The following ZMAT4 variants were observed in gnomAD, a reference collection of about 807,000 sequenced individuals.
The protein encoded by ZMAT4 is zinc finger matrin-type 4.
A neutral mutation model predicts 28.7 loss-of-function variants in ZMAT4; 17 were observed. The observed-to-expected ratio is 0.59, with a 90% confidence interval of 0.41 to 0.89. The LOEUF is 0.89. Ranked by LOEUF, ZMAT4 falls within the 40% of genes least tolerant of loss-of-function variation. ZMAT4 has a pLI of 0.00. For synonymous variants in ZMAT4, 117 were observed against 109.2 expected (o/e 1.07, Z -0.44); for missense variants, 240 against 283.8 (o/e 0.85, Z 1.11).
At chr8:40,833,957 A>T (rs1309020013) in intron 1 of ZMAT4, among the ~76,000 whole-genome samples, 2 of 152,214 alleles carry the variant, frequency 1.3e-5, no homozygotes, top group Admixed American at 1.3e-4. Context: ...TTAAAAAGAG[A>T]GAGAGGCAGA....
At chr8:40,853,257 T>A (rs2150637095) in intron 1 of ZMAT4, among the ~76,000 whole-genome samples, 1 of 152,324 alleles carries the variant, frequency 6.6e-6, no homozygotes, top group South Asian at 2.1e-4. Context: ...TGACATTTAA[T>A]ACAATTAATA....
rs57458575 is a variant in ZMAT4, at chr8:40,833,540, C to CAAAAA, written c.-4-7865_-4-7861dup. Among the ~76,000 whole-genome samples, 155 of 87,056 alleles carry CAAAAA rather than the reference C, an allele frequency of 1.8e-3. 1 individual carries two copies. In the East Asian group the frequency reaches 0.034, roughly 19 times the overall value. 57.1% of individuals were successfully genotyped at this position (87,056 alleles called of 152,430 possible). A position where few individuals can be genotyped will look rare whatever the true frequency, so the allele number is the denominator to read the frequency against. On this transcript the variant is annotated intron_variant, in intron 1 of 6. Coordinates refer to ENST00000297737, the MANE Select transcript of ZMAT4 (RefSeq NM_024645.3). ...CCGAGATCATACCACTACACTCCAGCAAAAAAAAAAAAAAAAAAGACATGA... is the reference window on the plus strand; with the variant it reads ...CCGAGATCATACCACTACACTCCAGCAAAAAAAAAAAAAAAAAAAAAAAGACATGA...
At chr8:40,728,544 C>T (rs1253172167) in intron 3 of ZMAT4, among the ~76,000 whole-genome samples, 1 of 152,166 alleles carries the variant, frequency 6.6e-6, no homozygotes, top group Admixed American at 6.5e-5. Context: ...CTGACCACTA[C>T]TAACTAAACA....
At chr8:40,645,436 G>C (rs1378173738) in intron 5 of ZMAT4, among the ~76,000 whole-genome samples, 1 of 152,130 alleles carries the variant, frequency 6.6e-6, no homozygotes, top group Non-Finnish European at 1.5e-5. Context: ...GGATTAGAGA[G>C]AAGAATATAT....
At chr8:40,568,138 C>T (rs1257248322) in intron 6 of ZMAT4, among the ~76,000 whole-genome samples, 1 of 152,044 alleles carries the variant, frequency 6.6e-6, no homozygotes, top group African/African-American at 2.4e-5. Context: ...AAGGTTAATA[C>T]TCCATGGTCT....
intron 3 of ZMAT4, among the ~76,000 whole-genome samples, chr8:40,753,623 C>A (rs1461082200): frequency 1.3e-5 from 2 of 152,162 alleles, no homozygotes; most frequent in Non-Finnish European, 2.9e-5. Flanking sequence ...CAGCACACTG[C>A]CTGACTCTTG....
At chr8:40,714,777 G>A (rs1810771000) in intron 3 of ZMAT4, among the ~76,000 whole-genome samples, 1 of 152,158 alleles carries the variant, frequency 6.6e-6, no homozygotes, top group Admixed American at 6.5e-5. Flanking sequence ...TAGTCCGGGG[G>A]CAGTGGCTCA....
chr8:40,699,828 C>A (rs2150497146), intron 3 of ZMAT4, among the ~76,000 whole-genome samples: 1 of 152,358 alleles, frequency 6.6e-6, no homozygotes, highest in Admixed American at 6.5e-5. Flanking sequence ...ATCTGTGTAT[C>A]TGTTCATCTG....
chr8:40,704,849 CTG>C (rs1215042980), intron 3 of ZMAT4, among the ~76,000 whole-genome samples: 8 of 152,190 alleles, frequency 5.3e-5, no homozygotes, highest in African/African-American at 1.7e-4. Flanking sequence ...GCATCATACT[CTG>C]TACTGAAATG....
intron 2 of ZMAT4, among the ~76,000 whole-genome samples, chr8:40,823,338 A>G (rs181831809): frequency 2.8e-4 from 42 of 152,252 alleles, no homozygotes; most frequent in Admixed American, 2.2e-3. Context: ...AAATTCCCCC[A>G]TTTCCTTAAC....
intron 3 of ZMAT4, among the ~76,000 whole-genome samples, chr8:40,721,690 A>G (rs1289423499): frequency 6.6e-6 from 1 of 151,762 alleles, no homozygotes; most frequent in African/African-American, 2.4e-5. Context: ...GTGAGATGGT[A>G]TCTCATAGTG....
intron 1 of ZMAT4, among the ~76,000 whole-genome samples, chr8:40,851,252 C>G (rs1437558515): frequency 6.6e-6 from 1 of 152,144 alleles, no homozygotes; most frequent in African/African-American, 2.4e-5. Context: ...CGCTTGAACC[C>G]AGGAGGCGGA....
intron 3 of ZMAT4, among the ~76,000 whole-genome samples, chr8:40,748,757 A>AATGC (rs1248524429): frequency 6.6e-6 from 1 of 152,108 alleles, no homozygotes; most frequent in African/African-American, 2.4e-5. Context: ...TTTTTTAAGA[A>AATGC]ATGCATCTCT....
At chr8:40,645,036 A>C (rs1807238112) in intron 5 of ZMAT4, among the ~76,000 whole-genome samples, 1 of 152,200 alleles carries the variant, frequency 6.6e-6, no homozygotes, top group Non-Finnish European at 1.5e-5. Context: ...AATAAATTTA[A>C]TATAGTATTC....
In ZMAT4 at chr8:40,808,637, A is replaced by G. The variant is rs117535271; in HGVS notation, c.102+16938T>C. The G allele has an allele frequency of 8.0e-3, 3,622 of 451,996 alleles. 23 individuals carry two copies. Among genetic ancestry groups the G allele is most frequent in the Non-Finnish European group, 0.011 (2,496 of 224,982 alleles). The allele number at this position is 451,996 out of a possible 1,614,324, so 28.0% of individuals were successfully genotyped here. Reference sequence around the variant, plus strand: ...GGAGGTAGGTGTGAGCTCCCGTTACATGGTCACATTAGACATCTTCACTCA... The same window carrying G: ...GGAGGTAGGTGTGAGCTCCCGTTACGTGGTCACATTAGACATCTTCACTCA... On this transcript the variant is annotated intron_variant, in intron 2 of 6. Transcript: ENST00000297737.
chr8:40,654,024 T>C (rs1226804837), intron 5 of ZMAT4, among the ~76,000 whole-genome samples: 2 of 152,144 alleles, frequency 1.3e-5, no homozygotes, highest in Admixed American at 6.5e-5. Context: ...AGAACCAAAT[T>C]CAAATTTTTT....
At chr8:40,676,919 G>C (rs1345726962) in intron 4 of ZMAT4, among the ~76,000 whole-genome samples, 2 of 152,084 alleles carry the variant, frequency 1.3e-5, no homozygotes, top group African/African-American at 4.8e-5. Flanking sequence ...AGTTGACCTG[G>C]ATGTGAAAAG....
intron 2 of ZMAT4, among the ~76,000 whole-genome samples, chr8:40,823,640 C>G (rs577830955): frequency 2.6e-5 from 4 of 152,216 alleles, no homozygotes; most frequent in African/African-American, 7.2e-5. Flanking sequence ...GCCTGGGTGA[C>G]AGAGTGAGAC....
intron 6 of ZMAT4, among the ~76,000 whole-genome samples, chr8:40,568,591 G>A (rs755273396): frequency 7.2e-5 from 11 of 152,024 alleles, no homozygotes; most frequent in African/African-American, 1.4e-4. Context: ...CCCGTTCCTC[G>A]GGGCCCATTT....
Sources: gnomAD v4.1 joint callset for allele counts (sites outside exome capture counted in the v4.1 genomes callset) on GRCh38, gnomAD v4.1.1 for gene constraint, MANE v1.5 for transcripts, NCBI Gene and HGNC (gene_info 2026-07-23, HGNC 2026-07-21) for gene names.